SLC22A3: variants seen among roughly 807,000 people sequenced by gnomAD.
SLC22A3 encodes the protein EMT organic cation transporter 3.
SLC22A3 carries 51 observed loss-of-function variants against 59.1 expected under a neutral mutation model. The ratio of observed to expected loss-of-function variants is 0.86; its 90% CI spans 0.69 to 1.09. SLC22A3 has a LOEUF of 1.09. SLC22A3 is among the 50% of genes least tolerant of loss of function. SLC22A3 has a pLI of 0.00. For synonymous variants in SLC22A3, 325 were observed against 292.0 expected (o/e 1.11, Z -1.15); for missense variants, 711 against 726.3 (o/e 0.98, Z 0.24).
intron 1 of SLC22A3, among the ~76,000 whole-genome samples, chr6:160,394,826 T>G (rs1004651828): frequency 6.6e-6 from 1 of 152,220 alleles, no homozygotes; most frequent in African/African-American, 2.4e-5. Context: ...TGTGGGGCAG[T>G]ATCCCTTTGC....
chr6:160,418,244 A>G (rs1159527471), intron 5 of SLC22A3, among the ~76,000 whole-genome samples: 9 of 152,232 alleles, frequency 5.9e-5, no homozygotes, highest in Admixed American at 5.9e-4. Context: ...TGTCTTGCTG[A>G]GTCTTCTAGC....
At chr6:160,412,231 C>T (rs547962386) in intron 5 of SLC22A3, among the ~76,000 whole-genome samples, 24 of 152,194 alleles carry the variant, frequency 1.6e-4, no homozygotes, top group South Asian at 1.2e-3. Flanking sequence ...GGAGTGGAGA[C>T]GAGCACCTGT....
At chr6:160,435,681 A>G (rs1788311335) in intron 5 of SLC22A3, among the ~76,000 whole-genome samples, 1 of 152,194 alleles carries the variant, frequency 6.6e-6, no homozygotes, top group Admixed American at 6.5e-5. Context: ...GCTTTGGGGA[A>G]AATGTGCCTA....
chr6:160,432,220 A>G (rs1408184710), intron 5 of SLC22A3, among the ~76,000 whole-genome samples: 1 of 152,094 alleles, frequency 6.6e-6, no homozygotes, highest in African/African-American at 2.4e-5. Context: ...ACTGACATGG[A>G]GGATACGATT....
chr6:160,437,358 A>G (rs2114915645), intron 7 of SLC22A3, 147 bp downstream of exon 7: 1 of 815,086 alleles, frequency 1.2e-6, no homozygotes, highest in Non-Finnish European at 2.0e-6. Flanking sequence ...CTTAATCAGC[A>G]TAAAAACTTC....
chr6:160,445,499 AAC>A (rs1171188724), intron 9 of SLC22A3, among the ~76,000 whole-genome samples: 2 of 152,164 alleles, frequency 1.3e-5, no homozygotes, highest in Non-Finnish European at 2.9e-5. Flanking sequence ...GCATTGTAGA[AAC>A]ACAGATATGC....
intron 5 of SLC22A3, among the ~76,000 whole-genome samples, chr6:160,434,523 A>C (rs191184781): frequency 9.8e-5 from 15 of 152,362 alleles, no homozygotes; most frequent in African/African-American, 3.6e-4. Context: ...GATGAGACTT[A>C]AAATAATCCA....
chr6:160,349,386 G>A (rs1337096901), intron 1 of SLC22A3, among the ~76,000 whole-genome samples: 1 of 152,246 alleles, frequency 6.6e-6, no homozygotes, highest in Non-Finnish European at 1.5e-5. Flanking sequence ...CAAAGGTCGA[G>A]GCTTTCCCGG....
intron 1 of SLC22A3, among the ~76,000 whole-genome samples, chr6:160,361,878 A>G (rs959828573): frequency 6.6e-6 from 1 of 152,256 alleles, no homozygotes; most frequent in Non-Finnish European, 1.5e-5. Context: ...GCGACTAAGC[A>G]CATGAAGAAA....
chr6:160,391,537 G>C (rs533616935), intron 1 of SLC22A3, among the ~76,000 whole-genome samples: 1 of 152,104 alleles, frequency 6.6e-6, no homozygotes. Context: ...TTGGAAAATC[G>C]CCAGAGGACA....
At chr6:160,436,743 C>A (rs766667999) in intron 5 of SLC22A3, 37 bp from the exon 6 acceptor site, 8 of 1,246,996 alleles carry the variant, frequency 6.4e-6, no homozygotes, top group African/African-American at 1.6e-5. Context: ...TTTTTTTTTT[C>A]TGTCTATTGC....
intron 2 of SLC22A3, among the ~76,000 whole-genome samples, chr6:160,404,978 G>A (rs1160020216): frequency 6.6e-6 from 1 of 150,896 alleles, no homozygotes; most frequent in African/African-American, 2.4e-5. Context: ...GATGGGATAG[G>A]AAAAAAATCT....
At chr6:160,360,763 T>TC (rs967905849) in intron 1 of SLC22A3, among the ~76,000 whole-genome samples, 17 of 151,764 alleles carry the variant, frequency 1.1e-4, no homozygotes, top group East Asian at 3.9e-4. Context: ...ATTTATTAAC[T>TC]CCCCCCCGCC....
In SLC22A3 at chr6:160,348,424, C is replaced by A. The variant is rs769758203; in HGVS notation, c.5C>A (p.Pro2His). The A allele has an allele frequency of 1.3e-6, 2 of 1,495,780 alleles. No individual in the cohort carries two copies. Among genetic ancestry groups the A allele is most frequent in the Non-Finnish European group, 1.8e-6 (2 of 1,127,014 alleles). The allele number at this position is 1,495,780 out of a possible 1,614,324, so 92.7% of individuals were successfully genotyped here. The change falls in exon 1 of 11, where the codon CCC becomes CAC. Residue 2 changes from proline (P) to histidine (H), a missense_variant. Pro to His is a moderately conservative substitution (Grantham distance 77, BLOSUM62 -2). Transcript: ENST00000275300. ...GCGGCGGGCGGCGGGCGCACCATGC[C>A]CTCCTTCGACGAGGCGCTGCAGCGG... Reference protein sequence around the residue: MPSFDEALQRVG... With the variant: MHSFDEALQRVG...
Position 160,407,041 on chromosome 6 carries a change from G to C in SLC22A3, c.534G>C (p.Arg178Ser). 6.2e-7 allele frequency: 1 copy of C among 1,612,888 alleles called. No homozygotes were observed. The highest frequency in any genetic ancestry group is 8.5e-7 in the Non-Finnish European group (1 of 1,179,406). ...CTCTTTTCCTGTCTTTCTCAAAAAG[G>C]TATGGCAGGATCGTCATTTACTTGC... Reference protein sequence around the residue: ...GAFTLGYAADRYGRIVIYLLS... With the variant: ...GAFTLGYAADSYGRIVIYLLS... The change falls in exon 3 of 11, where the codon AGG (arginine) becomes AGC (serine). Residue 178 changes from arginine to serine, a missense_variant and splice_region_variant. Transcript: ENST00000275300.
intron 1 of SLC22A3, among the ~76,000 whole-genome samples, chr6:160,362,159 G>T (rs1335816798): frequency 6.6e-6 from 1 of 152,224 alleles, no homozygotes; most frequent in Non-Finnish European, 1.5e-5. Flanking sequence ...ACCCAGGGAT[G>T]CTGCGACCTC....
At chr6:160,449,886 G>A (rs1788885233) in intron 10 of SLC22A3, among the ~76,000 whole-genome samples, 1 of 152,178 alleles carries the variant, frequency 6.6e-6, no homozygotes. Flanking sequence ...TTTCAAAAGG[G>A]GAGGGGGTGT....
At chr6:160,443,394 G>A (rs1788622066) in intron 8 of SLC22A3, among the ~76,000 whole-genome samples, 1 of 152,196 alleles carries the variant, frequency 6.6e-6, no homozygotes, top group Admixed American at 6.5e-5. Context: ...GCAGGGCAGT[G>A]GGTTGCTGAT....
intron 8 of SLC22A3, among the ~76,000 whole-genome samples, chr6:160,443,263 A>G (rs1255662619): frequency 6.6e-6 from 1 of 152,220 alleles, no homozygotes. Flanking sequence ...GTTATGAAGG[A>G]TGAAATGAAA....
Sources: allele counts gnomAD v4.1 joint callset (sites outside exome capture counted in the v4.1 genomes callset), GRCh38; gene constraint gnomAD v4.1.1; transcripts MANE v1.5; gene names NCBI Gene and HGNC (gene_info 2026-07-23, HGNC 2026-07-21).